The following GRIK2 variants were observed in gnomAD, a reference collection of about 807,000 sequenced individuals.
GRIK2 encodes the protein glutamate ionotropic receptor kainate type subunit 2.
A neutral mutation model predicts 100.3 loss-of-function variants in GRIK2; 32 were observed. The ratio of observed to expected loss-of-function variants is 0.32; its 90% CI spans 0.24 to 0.43. The LOEUF is 0.43. Among genes scored for constraint, GRIK2 ranks in the 20% least tolerant of loss-of-function variants. The pLI is 1.00. For missense variants in GRIK2, 843 were observed against 1,114.9 expected (o/e 0.76, Z 3.47); for synonymous variants, 417 against 389.4 (o/e 1.07, Z -0.83).
intron 4 of GRIK2, among the ~76,000 whole-genome samples, chr6:101,636,169 A>C (rs1781000664): frequency 6.6e-6 from 1 of 152,210 alleles, no homozygotes; most frequent in Non-Finnish European, 1.5e-5. Flanking sequence ...CTATGCAGCC[A>C]TAAAAAAAAG....
intron 2 of GRIK2, among the ~76,000 whole-genome samples, chr6:101,437,446 A>G (rs1220113051): frequency 6.6e-6 from 1 of 152,116 alleles, no homozygotes; most frequent in Admixed American, 6.6e-5. Context: ...GTCTATTTCC[A>G]TTTACTTCAA....
chr6:101,840,323 C>G (rs780873658), intron 10 of GRIK2, among the ~76,000 whole-genome samples: 23 of 152,214 alleles, frequency 1.5e-4, no homozygotes, highest in Admixed American at 5.9e-4. Flanking sequence ...CAGATACCTG[C>G]AACCTAACTT....
At chr6:101,675,275 ACACGCG>A (rs1210260904) in intron 4 of GRIK2, among the ~76,000 whole-genome samples, 3 of 145,692 alleles carry the variant, frequency 2.1e-5, no homozygotes, top group Non-Finnish European at 4.5e-5. Flanking sequence ...ACATGTACGC[ACACGCG>A]CACGCACACG....
chr6:101,867,824 G>A (rs1785151782), intron 11 of GRIK2, among the ~76,000 whole-genome samples: 1 of 150,924 alleles, frequency 6.6e-6, no homozygotes, highest in South Asian at 2.1e-4. Flanking sequence ...AAAAGAAATT[G>A]TTTCCCTAAT....
intron 2 of GRIK2, among the ~76,000 whole-genome samples, chr6:101,549,258 G>T (rs945552559): frequency 1.5e-5 from 2 of 136,782 alleles, no homozygotes; most frequent in African/African-American, 5.6e-5. Context: ...ATAAAGGAGG[G>T]TTAGTAGTGA....
chr6:101,872,231 G>A (rs533984303), intron 11 of GRIK2, among the ~76,000 whole-genome samples: 2 of 151,998 alleles, frequency 1.3e-5, no homozygotes, highest in East Asian at 1.9e-4. Context: ...ACCATTTACT[G>A]TATTAGTCCA....
intron 14 of GRIK2, among the ~76,000 whole-genome samples, chr6:101,973,839 T>TA (rs1793207982): frequency 6.6e-6 from 1 of 151,944 alleles, no homozygotes; most frequent in Non-Finnish European, 1.5e-5. Context: ...ATGCATTGTA[T>TA]AGCACATCTG....
intron 16 of GRIK2, among the ~76,000 whole-genome samples, chr6:102,061,610 C>CT (rs1360092540): frequency 1.3e-5 from 2 of 150,480 alleles, no homozygotes; most frequent in African/African-American, 4.8e-5. Context: ...ATTAAAAAGA[C>CT]TTGGAAACAT....
At chr6:101,846,959 C>T (rs1783846396) in intron 10 of GRIK2, among the ~76,000 whole-genome samples, 1 of 151,186 alleles carries the variant, frequency 6.6e-6, no homozygotes, top group South Asian at 2.1e-4. Flanking sequence ...ATTTTGGTTC[C>T]ATTGCTTCTC....
At chr6:101,792,454 C>T (rs1460279685) in intron 7 of GRIK2, among the ~76,000 whole-genome samples, 16 of 151,478 alleles carry the variant, frequency 1.1e-4, no homozygotes, top group Non-Finnish European at 1.8e-4. Context: ...TTTTATTTCT[C>T]CTTCACTTAT....
chr6:101,866,029 A>G (rs962591307), intron 11 of GRIK2, among the ~76,000 whole-genome samples: 1 of 152,170 alleles, frequency 6.6e-6, no homozygotes, highest in Non-Finnish European at 1.5e-5. Flanking sequence ...AACTAAAATC[A>G]CAAGTATAAA....
intron 4 of GRIK2, among the ~76,000 whole-genome samples, chr6:101,641,898 G>C (rs535311452): frequency 1.3e-5 from 2 of 151,916 alleles, no homozygotes; most frequent in Non-Finnish European, 2.9e-5. Context: ...ATGTGGGGTA[G>C]AGTAAATCCA....
intron 7 of GRIK2, among the ~76,000 whole-genome samples, chr6:101,758,742 G>C (rs1052086491): frequency 6.6e-6 from 1 of 152,134 alleles, no homozygotes; most frequent in Non-Finnish European, 1.5e-5. Context: ...GATTTCAGGG[G>C]TAATAGATTT....
At chr6:101,518,018 T>C (rs1322520339) in intron 2 of GRIK2, among the ~76,000 whole-genome samples, 1 of 152,148 alleles carries the variant, frequency 6.6e-6, no homozygotes, top group African/African-American at 2.4e-5. Flanking sequence ...TTGCAGCCTT[T>C]CCAACTTAAA....
Position 102,044,935 on chromosome 6 carries a change from C to T in GRIK2, c.2311+9369C>T, listed in dbSNP as rs1582779580. On this transcript the variant is annotated intron_variant, in intron 15 of 16. Transcript: ENST00000369134. Reference sequence around the variant, plus strand: ...TATATATGATCTCTCTCTTTTGGAACCATAGCACATTTTCAGATATTCCTA... The same window carrying T: ...TATATATGATCTCTCTCTTTTGGAATCATAGCACATTTTCAGATATTCCTA... Among the ~76,000 whole-genome samples, 3 of 152,110 alleles carry T rather than the reference C, an allele frequency of 2.0e-5. No homozygotes were observed. The South Asian group carries it at 6.2e-4, about 32-fold the overall frequency.
chr6:101,656,569 G>A (rs1013826605), intron 4 of GRIK2, among the ~76,000 whole-genome samples: 1 of 152,010 alleles, frequency 6.6e-6, no homozygotes, highest in Admixed American at 6.6e-5. Flanking sequence ...CATTGTTAAG[G>A]GCAACAGTAA....
intron 16 of GRIK2, 81 bp from the exon 17 acceptor site, chr6:102,068,266 T>C (rs534481016): frequency 1.8e-5 from 18 of 1,020,242 alleles, no homozygotes; most frequent in Non-Finnish European, 2.6e-5. Flanking sequence ...ACAAGTCTGT[T>C]GAGGATGATT....
chr6:102,056,377 CTCTT>C (rs1771462124), intron 16 of GRIK2, among the ~76,000 whole-genome samples: 1 of 151,920 alleles, frequency 6.6e-6, no homozygotes, highest in Non-Finnish European at 1.5e-5. Flanking sequence ...AGGAAAATAA[CTCTT>C]TCAGATGCTA....
intron 9 of GRIK2, among the ~76,000 whole-genome samples, chr6:101,810,616 A>G (rs1396299727): frequency 6.6e-6 from 1 of 152,044 alleles, no homozygotes; most frequent in Non-Finnish European, 1.5e-5. Flanking sequence ...TTTGCTGTAA[A>G]ATATTTCTTT....
Sources: gnomAD v4.1 joint callset for allele counts (sites outside exome capture counted in the v4.1 genomes callset) on GRCh38, gnomAD v4.1.1 for gene constraint, MANE v1.5 for transcripts, NCBI Gene and HGNC (gene_info 2026-07-23, HGNC 2026-07-21) for gene names.